The following LARGE1 variants were observed in gnomAD, a reference collection of about 807,000 sequenced individuals.
The protein encoded by LARGE1 is LARGE xylosyl- and glucuronyltransferase 1, also known as xylosyl- and glucuronyltransferase LARGE1.
Under a neutral mutation model 87.6 loss-of-function variants are expected in LARGE1, and 43 were observed. The observed-to-expected ratio is 0.49, with a 90% confidence interval of 0.38 to 0.63. The LOEUF is 0.63. Among genes scored for constraint, LARGE1 ranks in the 30% least tolerant of loss-of-function variants. The probability of loss-of-function intolerance (pLI) is 0.00; values close to 1 mark genes in which losing one functional copy is unlikely to be tolerated. For missense variants in LARGE1, 802 were observed against 1,000.2 expected (o/e 0.80, Z 2.67); for synonymous variants, 434 against 394.6 (o/e 1.10, Z -1.18).
intron 5 of LARGE1, among the ~76,000 whole-genome samples, chr22:33,601,983 A>G (rs1602658487): frequency 1.3e-5 from 2 of 152,158 alleles, no homozygotes; most frequent in South Asian, 4.2e-4. Context: ...CCAGGAGGGA[A>G]TTCCAGTCCA....
chr22:33,380,289 A>G (rs2065117140), intron 9 of LARGE1, among the ~76,000 whole-genome samples: 2 of 152,352 alleles, frequency 1.3e-5, no homozygotes, highest in South Asian at 4.1e-4. Context: ...CATGATATAC[A>G]GAAGGAACTG....
chr22:33,489,358 A>C (rs1313045751), intron 6 of LARGE1, among the ~76,000 whole-genome samples: 1 of 152,198 alleles, frequency 6.6e-6, no homozygotes, highest in Non-Finnish European at 1.5e-5. Flanking sequence ...ATTTTTATTG[A>C]ACACTTCACT....
intron 12 of LARGE1, among the ~76,000 whole-genome samples, chr22:33,300,677 G>C (rs899254723): frequency 6.6e-6 from 1 of 152,118 alleles, no homozygotes; most frequent in Admixed American, 6.6e-5. Flanking sequence ...TAGTAGCTGG[G>C]ACTACAGGCA....
chr22:33,616,065 C>T (rs1240053120), intron 4 of LARGE1, among the ~76,000 whole-genome samples: 1 of 152,090 alleles, frequency 6.6e-6, no homozygotes, highest in Non-Finnish European at 1.5e-5. Flanking sequence ...ACCGGTGGAA[C>T]TGTAAAATGA....
intron 1 of LARGE1, among the ~76,000 whole-genome samples, chr22:33,871,751 G>T (rs1425915451): frequency 6.6e-6 from 1 of 151,754 alleles, no homozygotes; most frequent in African/African-American, 2.4e-5. Context: ...TGAAACACTT[G>T]ATTTTTTCAC....
chr22:33,211,598 C>G (rs1924963555), intron 11 of LARGE1, among the ~76,000 whole-genome samples: 1 of 145,960 alleles, frequency 6.9e-6, no homozygotes, highest in Non-Finnish European at 1.5e-5. Context: ...ATGCTGAAAT[C>G]CCGTCTCTAC....
chr22:33,398,557 C>T (rs939190105), intron 7 of LARGE1, among the ~76,000 whole-genome samples: 6 of 152,162 alleles, frequency 3.9e-5, no homozygotes, highest in African/African-American at 1.4e-4. Flanking sequence ...TCCTTTTAAC[C>T]ACAGAGTGCT....
chr22:33,882,843 G>A (rs1280771350), intron 1 of LARGE1, among the ~76,000 whole-genome samples: 3 of 152,188 alleles, frequency 2.0e-5, no homozygotes, highest in Admixed American at 6.5e-5. Context: ...AGCCCCAAAC[G>A]ATGGGGTTTT....
At chr22:33,442,191 A>G (rs1296110317) in intron 6 of LARGE1, among the ~76,000 whole-genome samples, 2 of 152,210 alleles carry the variant, frequency 1.3e-5, no homozygotes, top group Non-Finnish European at 2.9e-5. Context: ...TCTAGGGAGA[A>G]GCTTCCGATC....
rs1054006877 is a variant in LARGE1, at chr22:33,266,754, G to A, written c.1730+37475C>T. Among the ~76,000 whole-genome samples the A allele has an allele frequency of 8.2e-4, 124 of 151,542 alleles. 1 individual carries two copies. The highest frequency in any genetic ancestry group is 5.9e-5 in the Non-Finnish European group (4 of 68,032). On this transcript the variant is annotated intron_variant, in intron 11 of 11. Coordinates refer to the LARGE1 transcript ENST00000608642. The stretch of plus-strand genomic sequence containing the variant: ...TGACGGGTTTGGGAACATCATATGA[G>A]GCCAACCAACAGACTCCTGTCTGCT...
At chr22:33,815,574 T>C (rs1380518588) in intron 1 of LARGE1, among the ~76,000 whole-genome samples, 1 of 152,186 alleles carries the variant, frequency 6.6e-6, no homozygotes, top group Non-Finnish European at 1.5e-5. Context: ...GAAAGGACTC[T>C]TCAGCCAAGA....
chr22:33,425,496 G>A (rs1370819509), intron 7 of LARGE1, among the ~76,000 whole-genome samples: 1 of 152,210 alleles, frequency 6.6e-6, no homozygotes, highest in Admixed American at 6.5e-5. Flanking sequence ...ACCTAAGACA[G>A]TGTCTACATC....
chr22:33,631,081 C>T (rs1455919566), intron 3 of LARGE1, among the ~76,000 whole-genome samples: 2 of 152,112 alleles, frequency 1.3e-5, no homozygotes, highest in East Asian at 3.9e-4. Context: ...TCTCAATCTC[C>T]TGACCTCGTG....
intron 12 of LARGE1, among the ~76,000 whole-genome samples, chr22:33,284,984 C>T (rs943701878): frequency 1.3e-5 from 2 of 152,194 alleles, no homozygotes; most frequent in African/African-American, 4.8e-5. Flanking sequence ...TTTGGTCCCT[C>T]GTCCCTAAAA....
intron 1 of LARGE1, among the ~76,000 whole-genome samples, chr22:33,769,175 G>C (rs1249494842): frequency 6.6e-6 from 1 of 152,058 alleles, no homozygotes; most frequent in East Asian, 1.9e-4. Flanking sequence ...TACGGACTAG[G>C]GTTGGCTCTG....
chr22:33,885,368 T>C (rs1005736021), intron 1 of LARGE1, among the ~76,000 whole-genome samples: 2 of 152,228 alleles, frequency 1.3e-5, no homozygotes, highest in Non-Finnish European at 2.9e-5. Context: ...AGGAGTAGAA[T>C]TGGGGTACAC....
At chr22:33,646,386 G>A (rs1602952403) in intron 3 of LARGE1, among the ~76,000 whole-genome samples, 1 of 152,174 alleles carries the variant, frequency 6.6e-6, no homozygotes, top group East Asian at 1.9e-4. Context: ...GTTGAACAAT[G>A]AGAAAGCATG....
intron 6 of LARGE1, among the ~76,000 whole-genome samples, chr22:33,488,178 G>T (rs2069671107): frequency 6.6e-6 from 1 of 152,156 alleles, no homozygotes; most frequent in Admixed American, 6.5e-5. Flanking sequence ...GCCACATGTG[G>T]CAATTTAAAT....
At chr22:33,718,529 AT>A (rs1465328521) in intron 2 of LARGE1, among the ~76,000 whole-genome samples, 3 of 152,252 alleles carry the variant, frequency 2.0e-5, no homozygotes, top group South Asian at 2.1e-4. Flanking sequence ...TTTAATAGAC[AT>A]AGGTTCTTAT....
Sources: allele counts gnomAD v4.1 joint callset (sites outside exome capture counted in the v4.1 genomes callset), GRCh38; gene constraint gnomAD v4.1.1; transcripts MANE v1.5; gene names NCBI Gene and HGNC (gene_info 2026-07-23, HGNC 2026-07-21).